CNTN3: variants seen among roughly 807,000 people sequenced by gnomAD.
CNTN3 encodes contactin 3.
Under a neutral mutation model 119.1 loss-of-function variants are expected in CNTN3, and 60 were observed. That is an observed-to-expected ratio of 0.50 (90% confidence interval 0.41 to 0.62). CNTN3 has a LOEUF of 0.62. Ranked by LOEUF, CNTN3 falls within the 20% of genes least tolerant of loss-of-function variation. The pLI, the probability that CNTN3 is intolerant of heterozygous loss-of-function variation, is 0.00. For missense variants in CNTN3, 1,101 were observed against 1,242.4 expected (o/e 0.89, Z 1.71); for synonymous variants, 450 against 438.7 (o/e 1.03, Z -0.32).
chr3:74,545,205 C>T (rs1401289926), intron 1 of CNTN3, among the ~76,000 whole-genome samples: 1 of 152,076 alleles, frequency 6.6e-6, no homozygotes, highest in South Asian at 2.1e-4. Context: ...TTACTCCAAA[C>T]TAAAATTAGG....
intron 2 of CNTN3, among the ~76,000 whole-genome samples, chr3:74,514,491 A>G (rs1381139953): frequency 6.6e-6 from 1 of 152,096 alleles, no homozygotes; most frequent in East Asian, 1.9e-4. Flanking sequence ...TCTGGGCTAT[A>G]CTTTTCCCTA....
chr3:74,312,633 G>T (rs1206056344), intron 13 of CNTN3, among the ~76,000 whole-genome samples: 2 of 151,950 alleles, frequency 1.3e-5, no homozygotes, highest in Non-Finnish European at 2.9e-5. Context: ...TCACAGTCTA[G>T]GGGCATAAGT....
chr3:74,431,044 T>G (rs1400131703), intron 4 of CNTN3, among the ~76,000 whole-genome samples: 1 of 152,016 alleles, frequency 6.6e-6, no homozygotes, highest in Admixed American at 6.6e-5. Context: ...GGAAGAACAC[T>G]CCTTCTTGTG....
At chr3:74,402,083 A>C (rs1460608356) in intron 5 of CNTN3, among the ~76,000 whole-genome samples, 1 of 152,182 alleles carries the variant, frequency 6.6e-6, no homozygotes, top group Admixed American at 6.5e-5. Flanking sequence ...CCAGGGCTTC[A>C]ATTTTACCAT....
chr3:74,495,446 A>C (rs568478365), intron 3 of CNTN3, among the ~76,000 whole-genome samples: 2 of 152,130 alleles, frequency 1.3e-5, no homozygotes, highest in South Asian at 4.1e-4. Flanking sequence ...ATGGAACACT[A>C]TATGTATATA....
At chr3:74,515,072 T>C (rs989898064) in intron 2 of CNTN3, among the ~76,000 whole-genome samples, 2 of 152,120 alleles carry the variant, frequency 1.3e-5, no homozygotes, top group East Asian at 3.9e-4. Context: ...TGTGGGAAGT[T>C]TGAAAAGAAT....
chr3:74,408,786 T>C (rs1701388015), intron 5 of CNTN3, among the ~76,000 whole-genome samples: 1 of 152,134 alleles, frequency 6.6e-6, no homozygotes, highest in South Asian at 2.1e-4. Context: ...TCTCTGATCT[T>C]AGAAGAATTT....
chr3:74,284,155 A>G (rs1444392613), intron 20 of CNTN3, among the ~76,000 whole-genome samples: 1 of 152,148 alleles, frequency 6.6e-6, no homozygotes, highest in Non-Finnish European at 1.5e-5. Context: ...GTTAACCATA[A>G]AAAATGCTAG....
chr3:74,518,385 T>C (rs1263909073), intron 2 of CNTN3, among the ~76,000 whole-genome samples: 4 of 151,982 alleles, frequency 2.6e-5, no homozygotes, highest in Non-Finnish European at 5.9e-5. Flanking sequence ...TGTAAAAACA[T>C]GGAGGATGTC....
chr3:74,536,946 C>T (rs749710071), intron 1 of CNTN3, among the ~76,000 whole-genome samples: 3 of 151,926 alleles, frequency 2.0e-5, no homozygotes, highest in East Asian at 2.0e-4. Flanking sequence ...AGAGGGACGG[C>T]TACTTCTCCG....
chr3:74,375,011 G>C (rs999779502), intron 5 of CNTN3, among the ~76,000 whole-genome samples: 2 of 151,988 alleles, frequency 1.3e-5, no homozygotes, highest in Admixed American at 6.6e-5. Flanking sequence ...TTTAAAAAAT[G>C]GTTTTATAAA....
At chr3:74,591,865 T>C (rs929605267) in intron 1 of CNTN3, among the ~76,000 whole-genome samples, 1 of 151,814 alleles carries the variant, frequency 6.6e-6, no homozygotes, top group Non-Finnish European at 1.5e-5. Flanking sequence ...AATGTGGAAC[T>C]CAGCCCAAGG....
At chr3:74,528,536 C>T (rs1339411660) in intron 1 of CNTN3, among the ~76,000 whole-genome samples, 3 of 151,844 alleles carry the variant, frequency 2.0e-5, no homozygotes, top group East Asian at 3.9e-4. Context: ...ATAATCCTCA[C>T]AACCACTCAT....
At chr3:74,478,832 C>G (rs929921836) in intron 4 of CNTN3, among the ~76,000 whole-genome samples, 6 of 152,012 alleles carry the variant, frequency 3.9e-5, no homozygotes, top group Admixed American at 3.9e-4. Context: ...TAAAACAGTT[C>G]ATATGAGGGA....
intron 1 of CNTN3, among the ~76,000 whole-genome samples, chr3:74,522,336 T>C (rs2107123771): frequency 6.6e-6 from 1 of 152,014 alleles, no homozygotes; most frequent in South Asian, 2.1e-4. Flanking sequence ...CACTGGAATC[T>C]GAAACAAATG....
In CNTN3 at chr3:74,360,747, G is replaced by A. The variant is rs1213365964; in HGVS notation, c.1364+1143C>T. 3.3e-5 allele frequency among the ~76,000 whole-genome samples: 5 copies of A among 152,036 alleles called. No individual in the cohort carries two copies. The South Asian group carries it at 1.0e-3, about 32-fold the overall frequency. On this transcript the variant is annotated intron_variant, in intron 11 of 22. Transcript: ENST00000263665. ...AACCAAGGTCCCTGTTTTCTTTACT[G>A]CTGGCCCCTTCCCTCATCTTCACAG...
chr3:74,602,972 T>C (rs965489953), intron 1 of CNTN3, among the ~76,000 whole-genome samples: 2 of 152,074 alleles, frequency 1.3e-5, no homozygotes, highest in African/African-American at 4.8e-5. Flanking sequence ...TATTGAGGAG[T>C]GCTCTTGAAA....
intron 20 of CNTN3, among the ~76,000 whole-genome samples, chr3:74,281,000 C>T (rs1365857578): frequency 1.3e-5 from 2 of 152,080 alleles, no homozygotes; most frequent in Non-Finnish European, 2.9e-5. Context: ...GGAGGAAGAG[C>T]TTTCGAGATA....
intron 1 of CNTN3, among the ~76,000 whole-genome samples, chr3:74,571,508 A>G (rs1324982227): frequency 6.6e-6 from 1 of 152,132 alleles, no homozygotes; most frequent in Non-Finnish European, 1.5e-5. Flanking sequence ...CAGCTCCCTC[A>G]TCTGTAACAT....
Sources: allele counts gnomAD v4.1 joint callset (sites outside exome capture counted in the v4.1 genomes callset), GRCh38; gene constraint gnomAD v4.1.1; transcripts MANE v1.5; gene names NCBI Gene and HGNC (gene_info 2026-07-23, HGNC 2026-07-21).